LRRN2: variants seen among roughly 807,000 people sequenced by gnomAD.
The protein encoded by LRRN2 is leucine rich repeat neuronal 2, also known as leucine-rich repeat neuronal protein 2.
Under a neutral mutation model 35.7 loss-of-function variants are expected in LRRN2, and 10 were observed. The ratio of observed to expected loss-of-function variants is 0.28; its 90% confidence interval spans 0.17 to 0.47. The LOEUF is 0.47. Among genes scored for constraint, LRRN2 ranks in the 20% least tolerant of loss-of-function variants. The pLI is 0.99. For missense variants in LRRN2, 731 were observed against 940.3 expected, an observed-to-expected ratio of 0.78 and a Z score of 2.91; for synonymous variants, 391 against 409.6, an observed-to-expected ratio of 0.95 and a Z score of 0.55.
intron 1 of LRRN2, among the ~76,000 whole-genome samples, chr1:204,659,590 A>G (rs1668428934): frequency 6.7e-6 from 1 of 150,020 alleles, no homozygotes; most frequent in Admixed American, 6.7e-5. Flanking sequence ...GGTGGTCAAC[A>G]GTTCATAATC....
intron 1 of LRRN2, among the ~76,000 whole-genome samples, chr1:204,684,985 G>A (rs1033838227): frequency 2.0e-5 from 3 of 152,190 alleles, no homozygotes; most frequent in African/African-American, 7.2e-5. Context: ...CAGTTTGGGG[G>A]AGGTTCTGGC....
intron 1 of LRRN2, among the ~76,000 whole-genome samples, chr1:204,657,341 T>TATACAC (rs1553349082): frequency 6.8e-6 from 1 of 146,952 alleles, no homozygotes; most frequent in African/African-American, 2.5e-5. Context: ...TATGTATATA[T>TATACAC]ACACACACAC....
intron 1 of LRRN2, among the ~76,000 whole-genome samples, chr1:204,680,505 C>T (rs1320956794): frequency 3.9e-5 from 6 of 152,242 alleles, no homozygotes; most frequent in Non-Finnish European, 5.9e-5. Flanking sequence ...CAGGCCAAGG[C>T]GTCTCCCAGG....
chr1:204,657,075 G>T (rs545127455), intron 1 of LRRN2, among the ~76,000 whole-genome samples: 123 of 152,194 alleles, frequency 8.1e-4, no homozygotes, highest in African/African-American at 2.9e-3. Context: ...GAACCGAGGC[G>T]GGTGGACCAT....
intron 1 of LRRN2, chr1:204,629,405 C>T (rs1428412673): frequency 6.5e-5 from 10 of 152,920 alleles, no homozygotes; most frequent in African/African-American, 2.4e-4. Flanking sequence ...AAATGTGCTA[C>T]ATATACACTG....
chr1:204,653,399 TC>T (rs1289612086), intron 1 of LRRN2, among the ~76,000 whole-genome samples: 5 of 152,226 alleles, frequency 3.3e-5, no homozygotes, highest in Admixed American at 6.5e-5. Context: ...CTCTCTGATT[TC>T]TGGGCCAGGA....
At position 204,631,392 on chromosome 1, in the gene LRRN2, A is replaced by T. The variant is rs183742100; in HGVS notation, c.-226-11174T>A. Among the ~76,000 whole-genome samples, 469 of 146,644 alleles carry T rather than the reference A, an allele frequency of 3.2e-3. 1 individual carries two copies. Among genetic ancestry groups the T allele is most frequent in the Middle Eastern group, 6.9e-3 (2 of 288 alleles). On this transcript the variant is annotated intron_variant, in intron 1 of 1. Coordinates refer to ENST00000367177, the MANE Select transcript of LRRN2 (RefSeq NM_201630.2). ...CCTGGCCACAAGGGAACTCTTATCC[A>T]TTGAGCATGAAATAGATCCCTGACC...
chr1:204,618,880 G>A lies in LRRN2; in HGVS notation c.1113C>T (p.Ile371=). The A allele has an allele frequency of 6.2e-7, 1 of 1,614,180 alleles. No homozygotes were observed. Among genetic ancestry groups the A allele is most frequent in the Non-Finnish European group, 8.5e-7 (1 of 1,180,046 alleles). The change falls in exon 2 of 2, where the codon ATC becomes ATT. Residue 371 remains isoleucine (I), a synonymous_variant. Transcript: ENST00000367177. ...LQEVGLHGNP[I]RCDCVIRWAN... ...CCCAGCGGATGACACAGTCACAGCG[G>A]ATGGGGTTGCCGTGGAGACCTACCT...
intron 1 of LRRN2, among the ~76,000 whole-genome samples, chr1:204,649,445 G>A (rs4951092): frequency 0.61 from 92,326 of 152,052 alleles, 28,463 homozygotes; most frequent in East Asian, 0.87. Context: ...CAACCCAACT[G>A]GAAACGAGGC....
intron 1 of LRRN2, chr1:204,663,919 T>C (rs1348869607): frequency 6.6e-6 from 1 of 152,188 alleles, no homozygotes; most frequent in Non-Finnish European, 1.5e-5. Flanking sequence ...CAAATGGGAC[T>C]CTTTTAGAAC....
At position 204,680,595 on chromosome 1, in the gene LRRN2, G is replaced by C. The variant is rs1004633238; in HGVS notation, c.-227+4725C>G. On this transcript the variant is annotated intron_variant, in intron 1 of 1. Coordinates refer to ENST00000367177, the MANE Select transcript of LRRN2 (RefSeq NM_201630.2). ...GCAGAGTCTGCTTGATGCGGGCTTA[G>C]AACGTGCAGGAGCCCAAGGTCATGA... Among the ~76,000 whole-genome samples, 7 of 152,190 alleles carry C rather than the reference G, an allele frequency of 4.6e-5. 1 individual carries two copies. The highest frequency in any genetic ancestry group is 1.0e-4 in the Non-Finnish European group (7 of 68,032).
intron 1 of LRRN2, among the ~76,000 whole-genome samples, chr1:204,656,917 A>G (rs963732218): frequency 7.2e-5 from 11 of 152,210 alleles, no homozygotes; most frequent in African/African-American, 2.7e-4. Flanking sequence ...TGAAGGAAAC[A>G]ACATATTTTA....
At chr1:204,635,578 ATC>A (rs1298913810) in intron 1 of LRRN2, among the ~76,000 whole-genome samples, 1 of 152,116 alleles carries the variant, frequency 6.6e-6, no homozygotes, top group Non-Finnish European at 1.5e-5. Context: ...AGCAAATAAA[ATC>A]TCTATCGATC....
intron 1 of LRRN2, among the ~76,000 whole-genome samples, chr1:204,648,378 G>T (rs181476031): frequency 2.4e-4 from 36 of 152,328 alleles, no homozygotes; most frequent in Non-Finnish European, 2.9e-4. Context: ...GAAGAAGCCT[G>T]AAAGAGAATC....
chr1:204,622,590 G>A (rs1666983804), intron 1 of LRRN2, among the ~76,000 whole-genome samples: 1 of 152,122 alleles, frequency 6.6e-6, no homozygotes, highest in African/African-American at 2.4e-5. Context: ...GGGGAACCCA[G>A]CTACCCAAGC....
Position 204,618,988 on chromosome 1 carries a change from GGGCAGGTGGTGGAA to G in LRRN2, c.991_1004del (p.Phe331ProfsTer39). The G allele has an allele frequency of 6.2e-7, 1 of 1,613,192 alleles. No individual in the cohort carries two copies. The highest frequency in any genetic ancestry group is 8.5e-7 in the Non-Finnish European group (1 of 1,179,282). ...TGTTGAGCATGAGGGTCTCCATCTG[GGGCAGGTGGTGGAA>G]GGCGCGGGGGTGGATGAAGGACAGC... is the stretch of plus-strand genomic sequence containing the variant. On this transcript the variant is annotated frameshift_variant, in exon 2 of 2. Transcript: ENST00000367177. LOFTEE classifies it high-confidence loss of function.
chr1:204,618,617 G>T lies in LRRN2; in HGVS notation c.1376C>A (p.Thr459Asn), dbSNP rs1666577059. The T allele has an allele frequency of 1.2e-6, 2 of 1,613,760 alleles. No individual in the cohort carries two copies. Among genetic ancestry groups the T allele is most frequent in the Non-Finnish European group, 1.7e-6 (2 of 1,179,884 alleles). Residue 459 changes from threonine (T) to asparagine (N), a missense_variant, in exon 2 of 2, where the codon ACT becomes AAT. By Grantham distance (65) the Thr-to-Asn change is moderately conservative. This residue lies in a region of LRRN2 where 256 missense variants were observed against 392.4 expected (regional missense o/e 0.65). Coordinates refer to ENST00000367177, the MANE Select transcript of LRRN2 (RefSeq NM_201630.2). ...AGGTGTCAGTCGAAGCCCAGCTGGAGTGACCCAGTAGATCTCGGGTTCGGG... is the reference window on the plus strand; with the variant it reads ...AGGTGTCAGTCGAAGCCCAGCTGGATTGACCCAGTAGATCTCGGGTTCGGG... ...AEPEPEIYWVTPAGLRLTPAH... is the reference protein window; with the variant it reads ...AEPEPEIYWVNPAGLRLTPAH...
At chr1:204,669,872 T>C (rs1668669502) in intron 1 of LRRN2, among the ~76,000 whole-genome samples, 1 of 152,198 alleles carries the variant, frequency 6.6e-6, no homozygotes, top group African/African-American at 2.4e-5. Flanking sequence ...TGGGAATCAC[T>C]TAAGAGTGTT....
At chr1:204,632,814 G>C (rs1184584697) in intron 1 of LRRN2, among the ~76,000 whole-genome samples, 2 of 151,272 alleles carry the variant, frequency 1.3e-5, no homozygotes, top group Non-Finnish European at 2.9e-5. Context: ...GGCGCCTGAA[G>C]TCCTAGCTAC....
Sources: gnomAD v4.1 joint callset for allele counts (sites outside exome capture counted in the v4.1 genomes callset) on GRCh38, gnomAD v4.1.1 for gene constraint, gnomAD v4.1.1 regional missense constraint, MANE v1.5 for transcripts, NCBI Gene and HGNC (gene_info 2026-07-23, HGNC 2026-07-21) for gene names.